TENM3: variants seen among roughly 807,000 people sequenced by gnomAD.
The protein encoded by TENM3 is teneurin-3.
In TENM3, 63 loss-of-function variants were observed where a neutral mutation model predicts 255.1. The ratio of observed to expected loss-of-function variants is 0.25; its 90% CI spans 0.20 to 0.30. The LOEUF (loss-of-function observed/expected upper bound fraction) is 0.30. Ranked by LOEUF, TENM3 falls within the 10% of genes least tolerant of loss-of-function variation. The pLI is 1.00. For missense variants in TENM3, 2,929 were observed against 3,461.1 expected, an observed-to-expected ratio of 0.85 and a Z score of 3.86; for synonymous variants, 1,306 against 1,322.3, an observed-to-expected ratio of 0.99 and a Z score of 0.27.
the TENM3 span, among the ~76,000 whole-genome samples, chr4:181,796,321 T>C: frequency 6.6e-6 from 1 of 152,140 alleles, no homozygotes; most frequent in African/African-American, 2.4e-5. Flanking sequence ...GGCACATTCA[T>C]GAATTATACA....
At chr4:182,109,774 A>G in the TENM3 span, among the ~76,000 whole-genome samples, 4 of 152,232 alleles carry the variant, frequency 2.6e-5, no homozygotes, top group Admixed American at 2.6e-4. Flanking sequence ...AGGAAAGTGA[A>G]TTAAAATTAA....
At chr4:181,789,930 C>T in the TENM3 span, among the ~76,000 whole-genome samples, 3 of 152,134 alleles carry the variant, frequency 2.0e-5, no homozygotes, top group African/African-American at 7.2e-5. Context: ...CTTCATTATG[C>T]CAAACCAGTC....
intron 1 of TENM3, among the ~76,000 whole-genome samples, chr4:182,294,839 A>T (rs1761361010): frequency 6.6e-6 from 1 of 152,208 alleles, no homozygotes; most frequent in African/African-American, 2.4e-5. Context: ...GAAAATAAGA[A>T]TATGGACAAG....
the TENM3 span, among the ~76,000 whole-genome samples, chr4:181,604,204 G>T: frequency 3.3e-5 from 5 of 152,282 alleles, no homozygotes; most frequent in East Asian, 7.7e-4. Flanking sequence ...GGCGGAGCTT[G>T]CAGTGAGCCG....
At chr4:182,413,966 ACT>A (rs1357906244) in intron 3 of TENM3, among the ~76,000 whole-genome samples, 1 of 152,200 alleles carries the variant, frequency 6.6e-6, no homozygotes, top group Non-Finnish European at 1.5e-5. Flanking sequence ...AATGTAATTT[ACT>A]CTGTTACCAC....
At chr4:182,765,680 T>C (rs1763656277) in intron 22 of TENM3, among the ~76,000 whole-genome samples, 1 of 152,182 alleles carries the variant, frequency 6.6e-6, no homozygotes, top group African/African-American at 2.4e-5. Flanking sequence ...ACTAAAAACC[T>C]GGGTTCCGGT....
chr4:182,614,390 T>C (rs73008914), intron 4 of TENM3, among the ~76,000 whole-genome samples: 21,903 of 152,100 alleles, frequency 0.14, 2,080 homozygotes, highest in African/African-American at 0.25. Flanking sequence ...CATTTACTTA[T>C]CTGCCTTTCC....
intron 6 of TENM3, among the ~76,000 whole-genome samples, chr4:182,659,205 CTCTT>C (rs958907668): frequency 2.6e-5 from 4 of 152,152 alleles, no homozygotes; most frequent in African/African-American, 9.7e-5. Flanking sequence ...AAATTTGCCT[CTCTT>C]TCAGGGATTT....
chr4:181,524,786 A>AGT, the TENM3 span, among the ~76,000 whole-genome samples: 1 of 152,046 alleles, frequency 6.6e-6, no homozygotes, highest in Non-Finnish European at 1.5e-5. Flanking sequence ...GTAGATGGGA[A>AGT]GTGAGGGGGA....
intron 3 of TENM3, among the ~76,000 whole-genome samples, chr4:182,560,453 A>C (rs1376180440): frequency 1.3e-5 from 2 of 152,156 alleles, no homozygotes; most frequent in South Asian, 4.1e-4. Flanking sequence ...CTTCTCCTAC[A>C]AACAGTGATT....
chr4:182,321,468 A>T (rs1763048111), intron 1 of TENM3, among the ~76,000 whole-genome samples: 1 of 152,020 alleles, frequency 6.6e-6, no homozygotes, highest in Admixed American at 6.6e-5. Flanking sequence ...TCCACTAAAA[A>T]TACAAAAATT....
At chr4:182,132,863 T>G in the TENM3 span, among the ~76,000 whole-genome samples, 1 of 152,190 alleles carries the variant, frequency 6.6e-6, no homozygotes, top group African/African-American at 2.4e-5. Flanking sequence ...TCCTGGCTCT[T>G]CTACTTACAT....
rs1265097241 is a variant in TENM3 at position 182,753,532 on chromosome 4, A to G, written c.3945A>G (p.Ser1315=). 2 of 1,613,958 alleles carry G rather than the reference A, an allele frequency of 1.2e-6. No homozygotes were observed. The highest frequency in any genetic ancestry group is 3.3e-5 in the Admixed American group (2 of 60,024). ...AAGTTGACCAAAATGGAATCATATCAACTCTTCTGGGCTCTAACGATTTGA... is the reference window on the plus strand; with the variant it reads ...AAGTTGACCAAAATGGAATCATATCGACTCTTCTGGGCTCTAACGATTTGA... ...IRKVDQNGII[S]TLLGSNDLTS... Residue 1315 remains serine (S), a synonymous_variant, in exon 21 of 28, where the codon TCA becomes TCG. Transcript: ENST00000511685.
At chr4:181,886,020 C>T in the TENM3 span, among the ~76,000 whole-genome samples, 99 of 148,840 alleles carry the variant, frequency 6.7e-4, no homozygotes, top group African/African-American at 2.2e-3. Flanking sequence ...TTTTCTCCTA[C>T]GAGTTTTTTC....
At chr4:182,372,189 A>G (rs1766868163) in intron 3 of TENM3, among the ~76,000 whole-genome samples, 1 of 152,214 alleles carries the variant, frequency 6.6e-6, no homozygotes, top group South Asian at 2.1e-4. Context: ...CCTAGCAGGC[A>G]CAAATCATTA....
At chr4:182,374,897 T>C (rs1483901344) in intron 3 of TENM3, among the ~76,000 whole-genome samples, 2 of 152,170 alleles carry the variant, frequency 1.3e-5, no homozygotes, top group African/African-American at 2.4e-5. Flanking sequence ...CACCAAATAA[T>C]CTTATTTTTC....
chr4:181,577,793 CT>C, the TENM3 span, among the ~76,000 whole-genome samples: 50,488 of 151,790 alleles, frequency 0.33, 8,739 homozygotes, highest in Middle Eastern at 0.46. Flanking sequence ...CTACTCTGCT[CT>C]TTTTTTTAAT....
At chr4:181,627,537 C>G in the TENM3 span, among the ~76,000 whole-genome samples, 9 of 152,122 alleles carry the variant, frequency 5.9e-5, no homozygotes, top group Non-Finnish European at 1.3e-4. Flanking sequence ...TTCCTGTGTC[C>G]AGTTGTTCTC....
At chr4:181,894,319 G>C in the TENM3 span, among the ~76,000 whole-genome samples, 2 of 152,156 alleles carry the variant, frequency 1.3e-5, no homozygotes, top group Admixed American at 6.5e-5. Flanking sequence ...AGAAAAGTAA[G>C]AGCATGAAGG....
Sources: allele counts gnomAD v4.1 joint callset (sites outside exome capture counted in the v4.1 genomes callset), GRCh38; gene constraint gnomAD v4.1.1; transcripts MANE v1.5; gene names NCBI Gene and HGNC (gene_info 2026-07-23, HGNC 2026-07-21).